The following MXRA5 variants were observed in gnomAD, a reference collection of about 807,000 sequenced individuals.
MXRA5 encodes the protein matrix remodeling associated 5, also known as matrix-remodeling-associated protein 5.
MXRA5 carries 41 observed loss-of-function variants against 112.5 expected under a neutral mutation model. The observed-to-expected ratio is 0.36, with a 90% CI of 0.28 to 0.47. MXRA5 has a LOEUF of 0.47. Among genes scored for constraint, MXRA5 ranks in the 20% least tolerant of loss-of-function variants. The probability of loss-of-function intolerance (pLI) is 0.99; values close to 1 mark genes in which losing one functional copy is unlikely to be tolerated. For synonymous variants in MXRA5, 862 were observed against 900.8 expected (o/e 0.96, Z 0.77); for missense variants, 2,150 against 2,251.0 (o/e 0.96, Z 0.91).
At chrX:3,331,259 C>G (rs1030627331) in intron 2 of MXRA5, among the ~76,000 whole-genome samples, 1 of 111,228 alleles carries the variant, frequency 9.0e-6, no homozygotes, top group Non-Finnish European at 1.9e-5. Context: ...ACGTTTATCC[C>G]TTCGTGTCCC....
chrX:3,342,538 T>C (rs773291152), intron 2 of MXRA5, among the ~76,000 whole-genome samples: 1 of 112,256 alleles, frequency 8.9e-6, no homozygotes, highest in Non-Finnish European at 1.9e-5. Flanking sequence ...CAATGAGCTA[T>C]CATTGTTGTG....
At position 3,321,033 on chromosome X, in the gene MXRA5, T is replaced by G; in HGVS notation, c.4652A>C (p.His1551Pro). 1.6e-6 allele frequency: 2 copies of G among 1,212,214 alleles called. No homozygotes were observed. The highest frequency in any genetic ancestry group is 1.1e-6 in the Non-Finnish European group (1 of 895,635). Residue 1551 changes from histidine (H) to proline (P), a missense_variant, in exon 5 of 7, where the codon CAT (histidine) becomes CCT (proline). His to Pro is a moderately conservative substitution (Grantham distance 77). Around this residue, in one of 6 missense-constraint regions of MXRA5, gnomAD observed 1,485 missense variants for 1,471.6 expected, o/e 1.01. Coordinates refer to ENST00000217939, the MANE Select transcript of MXRA5 (RefSeq NM_015419.4). ...TGATAATTCATTTGGCCCTGACATA[T>G]GCTGTGTTCCTTCATTGTTCACTGG... ...ATPVNNEGTQ[H>P]MSGPNELSTP... is the part of the protein sequence containing the mutation.
intron 6 of MXRA5, among the ~76,000 whole-genome samples, chrX:3,314,869 C>G (rs1407596078): frequency 9.9e-6 from 1 of 100,615 alleles, no homozygotes. Context: ...CTGCCATAGA[C>G]AGGTAGGTAG....
At position 3,323,506 on chromosome X, in the gene MXRA5, T is replaced by C; in HGVS notation, c.2179A>G (p.Lys727Glu). Residue 727 changes from lysine to glutamate, a missense_variant, in exon 5 of 7, where the codon AAG becomes GAG. Lys to Glu is a moderately conservative substitution (Grantham distance 56). Coordinates refer to ENST00000217939, the MANE Select transcript of MXRA5 (RefSeq NM_015419.4). ...PKDQEVFLKT[K>E]DDAINGDKKA... ...TTGTCTCCATTGATGGCATCATCCTTTGTTTTGAGGAACACCTCTTGGTCC... is the reference window on the plus strand; with the variant it reads ...TTGTCTCCATTGATGGCATCATCCTCTGTTTTGAGGAACACCTCTTGGTCC... 2 of 1,211,835 alleles carry C rather than the reference T, an allele frequency of 1.7e-6. No homozygotes were observed. The highest frequency in any genetic ancestry group is 2.2e-6 in the Non-Finnish European group (2 of 895,558).
rs1327617960 is a variant in MXRA5, at chrX:3,332,893, T to C, written c.189-2120A>G. On this transcript the variant is annotated intron_variant, in intron 2 of 6. Coordinates refer to ENST00000217939, the MANE Select transcript of MXRA5 (RefSeq NM_015419.4). ...CCTTATGAACATGCTTTGGATTCCATAGAAGGTGGGAAACTTAGCTGGAAT... is the reference window on the plus strand; with the variant it reads ...CCTTATGAACATGCTTTGGATTCCACAGAAGGTGGGAAACTTAGCTGGAAT... Among the ~76,000 whole-genome samples the C allele has an allele frequency of 4.5e-5, 5 of 111,688 alleles. No individual in the cohort carries two copies. In the East Asian group the frequency reaches 8.4e-4, roughly 19 times the overall value.
Position 3,321,243 on chromosome X carries a change from T to G in MXRA5, c.4442A>C (p.His1481Pro), listed in dbSNP as rs746757051. ...ILLSETRPQNHTPTAARMKEP... is the reference protein window; with the variant it reads ...ILLSETRPQNPTPTAARMKEP... ...CTTCATCCGGGCAGCAGTAGGGGTGTGATTCTGTGGTCTAGTTTCAGAAAG... is the reference window on the plus strand; with the variant it reads ...CTTCATCCGGGCAGCAGTAGGGGTGGGATTCTGTGGTCTAGTTTCAGAAAG... Residue 1481 changes from histidine (H) to proline (P), a missense_variant, in exon 5 of 7, where the codon CAC becomes CCC. Transcript: ENST00000217939. The G allele has an allele frequency of 8.3e-7, 1 of 1,211,261 alleles. No individual in the cohort carries two copies. Among genetic ancestry groups the G allele is most frequent in the Non-Finnish European group, 1.1e-6 (1 of 895,355 alleles).
chrX:3,318,161 T>A (rs1003167982), intron 5 of MXRA5, among the ~76,000 whole-genome samples, 158 bp from the exon 6 acceptor site: 3 of 111,618 alleles, frequency 2.7e-5, no homozygotes, highest in Admixed American at 9.5e-5. Context: ...AAGTTTTTTT[T>A]ATATTTATTT....
chrX:3,312,945 C>A lies in MXRA5; in HGVS notation c.6579-1321G>T, dbSNP rs148281831. On this transcript the variant is annotated intron_variant, in intron 6 of 6. Transcript: ENST00000217939. ...AAATAAGCCCAGTTGTGATTACATT[C>A]AACCTAATCATTGTAATAAAAGCAA... is the stretch of plus-strand genomic sequence containing the variant. Among the ~76,000 whole-genome samples the A allele has an allele frequency of 6.6e-4, 74 of 112,151 alleles. No homozygotes were observed. The East Asian group carries it at 0.02, about 30-fold the overall frequency.
In MXRA5 at chrX:3,323,365, C is replaced by A; in HGVS notation, c.2320G>T (p.Ala774Ser). The change falls in exon 5 of 7, where the codon GCA becomes TCA. Residue 774 changes from alanine to serine, a missense_variant. By Grantham distance (99) the Ala-to-Ser change is moderately conservative. Transcript: ENST00000217939. ...VFESRRRINM[A>S]NKQINPERWA... ...CGCTCCGGATTAATCTGTTTGTTTG[C>A]CATGTTTATCCTTCGTCTAGATTCA... 2 of 1,211,633 alleles carry A rather than the reference C, an allele frequency of 1.7e-6. No individual in the cohort carries two copies. Among genetic ancestry groups the A allele is most frequent in the Non-Finnish European group, 1.1e-6 (1 of 895,460 alleles).
chrX:3,343,748 T>C lies in MXRA5; in HGVS notation c.86A>G (p.His29Arg). 8.3e-7 allele frequency: 1 copy of C among 1,211,172 alleles called. No homozygotes were observed. Among genetic ancestry groups the C allele is most frequent in the South Asian group, 1.8e-5 (1 of 56,879 alleles). The stretch of plus-strand genomic sequence containing the variant: ...GCTGGGGACGTAGCAGGCACAAGGA[T>C]GCGGGCAGGCCAGCGCCACTCGCGG... Reference protein sequence around the residue: ...GHPRVALACPHPCACYVPSEV... With the variant: ...GHPRVALACPRPCACYVPSEV... Residue 29 changes from histidine to arginine, a missense_variant, in exon 2 of 7, where the codon CAT becomes CGT. By Grantham distance (29) the His-to-Arg change is conservative. Transcript: ENST00000217939.
Position 3,321,473 on chromosome X carries a change from A to G in MXRA5, c.4212T>C (p.Leu1404=), listed in dbSNP as rs143815201. The G allele has an allele frequency of 8.3e-7, 1 of 1,209,340 alleles. No homozygotes were observed. Among genetic ancestry groups the G allele is most frequent in the African/African-American group, 1.8e-5 (1 of 57,095 alleles). The change falls in exon 5 of 7, where the codon CTT becomes CTC. Residue 1404 remains leucine, a synonymous_variant. Transcript: ENST00000217939. ...GCTCTTTAAGAAGGGGAGGGTCTGT[A>G]AGATTTTCCCCAGAAGTGGTAACAG... is the stretch of plus-strand genomic sequence containing the variant. ...GIPVTTSGEN[L]TDPPLLKELE...
chrX:3,346,317 T>G (rs1028588430), intron 1 of MXRA5, among the ~76,000 whole-genome samples, 198 bp downstream of exon 1: 5 of 112,473 alleles, frequency 4.4e-5, no homozygotes, highest in Non-Finnish European at 9.4e-5. Context: ...CCTCCCTATC[T>G]GATCCTTAGC....
chrX:3,316,139 C>T (rs1238850642), intron 6 of MXRA5, among the ~76,000 whole-genome samples: 1 of 73,473 alleles, frequency 1.4e-5, no homozygotes, highest in Non-Finnish European at 2.4e-5. Context: ...ACGGTGAAAC[C>T]CCGTCTCTAC....
Position 3,333,302 on chromosome X carries a change from C to CAAAAA in MXRA5, c.189-2534_189-2530dup, listed in dbSNP as rs386416494. 9.2e-3 allele frequency among the ~76,000 whole-genome samples: 137 copies of CAAAAA among 14,820 alleles called. 1 individual carries two copies. Among genetic ancestry groups the CAAAAA allele is most frequent in the South Asian group, 0.019 (1 of 53 alleles). 12.9% of individuals were successfully genotyped at this position (14,820 alleles called of 115,157 possible). A position where few individuals can be genotyped will look rare whatever the true frequency, so the allele number is the denominator to read the frequency against. On this transcript the variant is annotated intron_variant, in intron 2 of 6. Transcript: ENST00000217939. ...TGGGCAACAGAGCAATACCCCATAT[C>CAAAAA]AAAAAAAAAAAAAAAAAAAAAAAAA... is the stretch of plus-strand genomic sequence containing the variant.
At chrX:3,314,043 C>A (rs1457273769) in intron 6 of MXRA5, among the ~76,000 whole-genome samples, 2 of 111,523 alleles carry the variant, frequency 1.8e-5, no homozygotes, top group Non-Finnish European at 3.8e-5. Flanking sequence ...TTGCTCCTAC[C>A]CTGGGGAGGG....
At chrX:3,341,567 TTATATATAA>T (rs1304614804) in intron 2 of MXRA5, among the ~76,000 whole-genome samples, 1 of 26,521 alleles carries the variant, frequency 3.8e-5, no homozygotes, top group Non-Finnish European at 4.9e-5. Context: ...TATATTATTA[TTATATATAA>T]TATATATAAT....
chrX:3,341,103 A>AT (rs1569188364), intron 2 of MXRA5, among the ~76,000 whole-genome samples: 1 of 9,533 alleles, frequency 1.0e-4, no homozygotes, highest in Non-Finnish European at 4.3e-4. Flanking sequence ...TGTTATACAT[A>AT]ATATAATATA....
intron 2 of MXRA5, among the ~76,000 whole-genome samples, chrX:3,341,415 T>A (rs1396096075): frequency 5.8e-5 from 1 of 17,202 alleles, no homozygotes; most frequent in African/African-American, 7.2e-4. Flanking sequence ...ATTATTATTA[T>A]ATATAATATA....
chrX:3,335,444 G>A (rs1298487766), intron 2 of MXRA5, among the ~76,000 whole-genome samples: 2 of 112,387 alleles, frequency 1.8e-5, no homozygotes, highest in Non-Finnish European at 3.8e-5. Flanking sequence ...TGATCTGCCC[G>A]CCTCGGCCTC....
Sources: gnomAD v4.1 joint callset for allele counts (sites outside exome capture counted in the v4.1 genomes callset) on GRCh38, gnomAD v4.1.1 for gene constraint, gnomAD v4.1.1 regional missense constraint, MANE v1.5 for transcripts, NCBI Gene and HGNC (gene_info 2026-07-23, HGNC 2026-07-21) for gene names.